The following PRRX1 variants were observed in gnomAD, a reference collection of about 807,000 sequenced individuals.
PRRX1 encodes paired mesoderm homeobox protein 1.
In PRRX1, 8 loss-of-function variants were observed where a neutral mutation model predicts 24.0. The ratio of observed to expected loss-of-function variants is 0.33; its 90% confidence interval spans 0.20 to 0.60. PRRX1 has a LOEUF of 0.60. Ranked by LOEUF, PRRX1 falls within the 20% of genes least tolerant of loss-of-function variation. The pLI is 0.82. For missense variants in PRRX1, 281 were observed against 322.4 expected (o/e 0.87, Z 0.98); for synonymous variants, 160 against 131.7 (o/e 1.22, Z -1.47).
chr1:170,711,589 A>G (rs532375714), intron 1 of PRRX1, among the ~76,000 whole-genome samples: 1 of 152,290 alleles, frequency 6.6e-6, no homozygotes, highest in African/African-American at 2.4e-5. Context: ...ATTATAACCA[A>G]AAAGATAAGG....
intron 3 of PRRX1, chr1:170,726,628 T>C: frequency 1.9e-6 from 1 of 535,088 alleles, no homozygotes; most frequent in Non-Finnish European, 3.3e-6. Context: ...AATCTCCTCT[T>C]GGACTCAGGA....
In PRRX1 at chr1:170,739,349, T is replaced by G. The variant is rs1655721128; in HGVS notation, c.*3163T>G. Reference sequence around the variant, plus strand: ...CTTTATGTTGTAAAATATACATTGTTTGCGCTAGAATAGAAATGATTTCTT... The same window carrying G: ...CTTTATGTTGTAAAATATACATTGTGTGCGCTAGAATAGAAATGATTTCTT... On this transcript the variant is annotated 3_prime_UTR_variant, in exon 4 of 4. Coordinates refer to ENST00000239461, the MANE Select transcript of PRRX1 (RefSeq NM_022716.4). The G allele has an allele frequency of 5.6e-6, 1 of 178,856 alleles. No individual in the cohort carries two copies. The highest frequency in any genetic ancestry group is 2.4e-5 in the African/African-American group (1 of 42,302). 11.1% of individuals were successfully genotyped at this position (178,856 alleles called of 1,614,324 possible).
At chr1:170,678,369 C>T (rs1653391760) in intron 1 of PRRX1, among the ~76,000 whole-genome samples, 1 of 152,174 alleles carries the variant, frequency 6.6e-6, no homozygotes, top group South Asian at 2.1e-4. Flanking sequence ...AGTTGTCGTA[C>T]ATGTGGAGAA....
intron 1 of PRRX1, among the ~76,000 whole-genome samples, chr1:170,686,773 T>C (rs952472557): frequency 3.3e-5 from 5 of 151,406 alleles, no homozygotes; most frequent in Admixed American, 3.3e-4. Flanking sequence ...CACTCCAGAG[T>C]TTCTTTATTT....
At chr1:170,706,328 A>G (rs1406339358) in intron 1 of PRRX1, among the ~76,000 whole-genome samples, 1 of 152,252 alleles carries the variant, frequency 6.6e-6, no homozygotes, top group African/African-American at 2.4e-5. Context: ...ATTATTCTTT[A>G]CTATATACCT....
chr1:170,681,444 A>G (rs1653502435), intron 1 of PRRX1, among the ~76,000 whole-genome samples: 1 of 152,040 alleles, frequency 6.6e-6, no homozygotes, highest in South Asian at 2.1e-4. Context: ...TGACTGTGCT[A>G]GAATTACAAA....
chr1:170,670,977 A>G (rs1429036738), intron 1 of PRRX1, among the ~76,000 whole-genome samples: 1 of 152,122 alleles, frequency 6.6e-6, no homozygotes, highest in Non-Finnish European at 1.5e-5. Context: ...GTTCCACGTA[A>G]TGAAGAAGCT....
chr1:170,680,081 T>C (rs1339089659), intron 1 of PRRX1, among the ~76,000 whole-genome samples: 2 of 152,206 alleles, frequency 1.3e-5, no homozygotes, highest in African/African-American at 4.8e-5. Context: ...ATTCCACTAG[T>C]AGTTTTGACA....
rs558222691 is a variant in PRRX1 at position 170,683,686 on chromosome 1, G to T, written c.241+19227G>T. On this transcript the variant is annotated intron_variant, in intron 1 of 3. Coordinates refer to ENST00000239461, the MANE Select transcript of PRRX1 (RefSeq NM_022716.4). ...CCTTTAATTTTCCCAGAAAGGAAGGGTTCTGCTTTAAATTCTGCAAAAGCA... is the reference window on the plus strand; with the variant it reads ...CCTTTAATTTTCCCAGAAAGGAAGGTTTCTGCTTTAAATTCTGCAAAAGCA... 3.8e-4 allele frequency among the ~76,000 whole-genome samples: 58 copies of T among 152,284 alleles called. No individual in the cohort carries two copies. In the South Asian group the frequency reaches 0.012, roughly 31 times the overall value.
chr1:170,693,401 T>C (rs916367139), intron 1 of PRRX1, among the ~76,000 whole-genome samples: 4 of 152,040 alleles, frequency 2.6e-5, no homozygotes, highest in African/African-American at 9.7e-5. Flanking sequence ...TCTAGTATGA[T>C]GTAATTTCCT....
At chr1:170,673,593 C>T (rs1485690391) in intron 1 of PRRX1, among the ~76,000 whole-genome samples, 1 of 152,224 alleles carries the variant, frequency 6.6e-6, no homozygotes, top group Non-Finnish European at 1.5e-5. Context: ...ATTGGAGCTG[C>T]AATCCATATC....
In PRRX1 at chr1:170,736,541, A is replaced by T; in HGVS notation, c.*355A>T. Reference sequence around the variant, plus strand: ...TTAAAAAAAACTACAGCAGCCAAAGAAACTATATATATATATATATATATA... The same window carrying T: ...TTAAAAAAAACTACAGCAGCCAAAGTAACTATATATATATATATATATATA... On this transcript the variant is annotated 3_prime_UTR_variant, in exon 4 of 4. Transcript: ENST00000239461. 3.7e-6 allele frequency: 1 copy of T among 268,334 alleles called. No individual in the cohort carries two copies. Among genetic ancestry groups the T allele is most frequent in the South Asian group, 3.4e-5 (1 of 29,144 alleles). The allele number at this position is 268,334 out of a possible 1,614,324, so 16.6% of individuals were successfully genotyped here.
chr1:170,688,092 C>T (rs1246481358), intron 1 of PRRX1, among the ~76,000 whole-genome samples: 1 of 152,084 alleles, frequency 6.6e-6, no homozygotes, highest in Non-Finnish European at 1.5e-5. Flanking sequence ...GCTATGTGAC[C>T]TCTAAATTCA....
At position 170,737,071 on chromosome 1, in the gene PRRX1, T is replaced by C. The variant is rs551980703; in HGVS notation, c.*885T>C. 1.1e-4 allele frequency: 21 copies of C among 183,222 alleles called. No individual in the cohort carries two copies. The South Asian group carries it at 4.1e-3, about 36-fold the overall frequency. The allele number at this position is 183,222 out of a possible 1,614,324, so 11.3% of individuals were successfully genotyped here. ...TTTCTCTAGTAACACAAAGAGTGAG[T>C]TCTAAAAGGCATGCCCACATCTCTT... is the stretch of plus-strand genomic sequence containing the variant. On this transcript the variant is annotated 3_prime_UTR_variant, in exon 4 of 4. Coordinates refer to ENST00000239461, the MANE Select transcript of PRRX1 (RefSeq NM_022716.4).
chr1:170,688,483 T>C (rs1385055573), intron 1 of PRRX1, among the ~76,000 whole-genome samples: 1 of 152,104 alleles, frequency 6.6e-6, no homozygotes, highest in African/African-American at 2.4e-5. Context: ...CCTTGAAAAT[T>C]AATTTCAGGT....
intron 1 of PRRX1, among the ~76,000 whole-genome samples, chr1:170,712,516 G>A (rs773021274): frequency 5.9e-5 from 9 of 152,266 alleles, no homozygotes; most frequent in Non-Finnish European, 1.3e-4. Context: ...TAACAACAAA[G>A]AGTGAGCAGA....
At chr1:170,667,034 A>G (rs1406971705) in intron 1 of PRRX1, among the ~76,000 whole-genome samples, 1 of 151,968 alleles carries the variant, frequency 6.6e-6, no homozygotes, top group African/African-American at 2.4e-5. Flanking sequence ...TCCCGGGCGG[A>G]ATTGGGGACT....
chr1:170,691,545 T>TCCTCCCTC (rs1193832424), intron 1 of PRRX1, among the ~76,000 whole-genome samples: 1 of 145,676 alleles, frequency 6.9e-6, no homozygotes, highest in African/African-American at 2.5e-5. Flanking sequence ...CTTCCTTCCT[T>TCCTCCCTC]CCTCCCTCCC....
intron 1 of PRRX1, among the ~76,000 whole-genome samples, chr1:170,674,336 A>T (rs1445593475): frequency 6.6e-6 from 1 of 152,038 alleles, no homozygotes; most frequent in East Asian, 1.9e-4. Context: ...GTCTCCTTTC[A>T]TGTGCTCTGG....
Sources: allele counts gnomAD v4.1 joint callset (sites outside exome capture counted in the v4.1 genomes callset), GRCh38; gene constraint gnomAD v4.1.1; transcripts MANE v1.5; gene names NCBI Gene and HGNC (gene_info 2026-07-23, HGNC 2026-07-21).